MBD2: variants seen among roughly 807,000 people sequenced by gnomAD.
MBD2 encodes the protein methyl-CpG-binding domain protein 2.
In MBD2, 9 loss-of-function variants were observed where a neutral mutation model predicts 39.3. The observed-to-expected ratio is 0.23, with a 90% CI of 0.14 to 0.40. The LOEUF (loss-of-function observed/expected upper bound fraction) is 0.40. Among genes scored for constraint, MBD2 ranks in the 10% least tolerant of loss-of-function variants. The pLI is 1.00. For synonymous variants in MBD2, 233 were observed against 211.1 expected (o/e 1.10, Z -0.90); for missense variants, 458 against 532.6 (o/e 0.86, Z 1.38).
intron 1 of MBD2, among the ~76,000 whole-genome samples, chr18:54,209,293 T>C: frequency 1.1e-5 from 1 of 93,756 alleles, no homozygotes; most frequent in African/African-American, 4.3e-5. Flanking sequence ...TGAGACTCCA[T>C]CTCCAAAAAA....
intron 2 of MBD2, 97 bp downstream of exon 2, chr18:54,204,901 T>C: frequency 8.0e-7 from 1 of 1,250,976 alleles, no homozygotes. Context: ...CACGGGACAT[T>C]TGGACAACCA....
chr18:54,163,349 T>C (rs1205765459), intron 5 of MBD2, among the ~76,000 whole-genome samples: 3 of 152,158 alleles, frequency 2.0e-5, no homozygotes, highest in Non-Finnish European at 4.4e-5. Context: ...GCTGATTTTG[T>C]CTAGGAATAA....
intron 1 of MBD2, among the ~76,000 whole-genome samples, chr18:54,220,046 C>G (rs989575049): frequency 6.6e-6 from 1 of 152,166 alleles, no homozygotes; most frequent in South Asian, 2.1e-4. Flanking sequence ...CGTGATCCAC[C>G]CGCCTCAGCC....
intron 2 of MBD2, among the ~76,000 whole-genome samples, chr18:54,190,843 A>G (rs2086315553): frequency 6.6e-6 from 1 of 152,168 alleles, no homozygotes; most frequent in Admixed American, 6.5e-5. Flanking sequence ...CATATAACTT[A>G]TTTACCTAGT....
At chr18:54,179,323 C>G (rs1349316330) in intron 3 of MBD2, among the ~76,000 whole-genome samples, 2 of 152,156 alleles carry the variant, frequency 1.3e-5, no homozygotes, top group African/African-American at 2.4e-5. Context: ...AGAAACTCTT[C>G]CAGAGACTAT....
chr18:54,224,314 ACGGCCCCGGCCC>A lies in MBD2; in HGVS notation c.234_245del (p.Gly93_Arg96del), dbSNP rs1210718511. The A allele has an allele frequency of 6.3e-6, 6 of 945,816 alleles. No individual in the cohort carries two copies. Among genetic ancestry groups the A allele is most frequent in the East Asian group, 1.1e-4 (1 of 8,754 alleles). The allele number at this position is 945,816 out of a possible 1,614,324, so 58.6% of individuals were successfully genotyped here. ...CCCGGCCCCGTCCCCGTCCCCGGCC[ACGGCCCCGGCCC>A]CGGCCACGGCCACAGACGCCGCCGC... On this transcript the variant is annotated inframe_deletion, in exon 1 of 7. Coordinates refer to ENST00000256429, the MANE Select transcript of MBD2 (RefSeq NM_003927.5).
At chr18:54,204,819 C>G (rs928730179) in intron 2 of MBD2, among the ~76,000 whole-genome samples, 179 bp downstream of exon 2, 3 of 152,148 alleles carry the variant, frequency 2.0e-5, no homozygotes, top group Non-Finnish European at 4.4e-5. Flanking sequence ...TACTGAAATG[C>G]TGTTTTCTAC....
chr18:54,164,779 TA>T, intron 4 of MBD2, 79 bp from the exon 5 acceptor site: 1 of 1,119,194 alleles, frequency 8.9e-7, no homozygotes, highest in East Asian at 2.4e-5. Flanking sequence ...AAACAACTGA[TA>T]TTTTTATATT....
intron 2 of MBD2, among the ~76,000 whole-genome samples, chr18:54,189,663 G>A (rs1014921641): frequency 2.6e-5 from 4 of 151,836 alleles, no homozygotes; most frequent in African/African-American, 4.8e-5. Flanking sequence ...TTGCTTGTTT[G>A]TTTAGGGGCA....
intron 1 of MBD2, among the ~76,000 whole-genome samples, chr18:54,213,454 G>A (rs2086527842): frequency 6.6e-6 from 1 of 152,258 alleles, no homozygotes; most frequent in East Asian, 1.9e-4. Context: ...CCGGTCCCTG[G>A]TGCCGAAAAA....
At chr18:54,205,849 T>G (rs1039062310) in intron 1 of MBD2, among the ~76,000 whole-genome samples, 2 of 150,004 alleles carry the variant, frequency 1.3e-5, no homozygotes, top group African/African-American at 4.9e-5. Context: ...TTTGAAATGC[T>G]TTTTTTTTCC....
chr18:54,177,490 T>C (rs1050484056), intron 3 of MBD2, among the ~76,000 whole-genome samples: 3 of 152,186 alleles, frequency 2.0e-5, no homozygotes, highest in African/African-American at 7.2e-5. Flanking sequence ...AATTCCTTTT[T>C]TTTTTTTCGA....
chr18:54,188,910 T>C lies in MBD2; in HGVS notation c.804A>G (p.Lys268=). Residue 268 remains lysine (K), a synonymous_variant, in exon 3 of 7, where the codon AAA becomes AAG. Transcript: ENST00000256429. ...KVTNHPSNKV[K]SDPQRMNEQP... ...GTTCATTCATTCGTTGTGGGTCTGATTTCACTTTATTACTAGGATGATTTG... is the reference window on the plus strand; with the variant it reads ...GTTCATTCATTCGTTGTGGGTCTGACTTCACTTTATTACTAGGATGATTTG... 1.7e-5 allele frequency: 27 copies of C among 1,609,724 alleles called. No individual in the cohort carries two copies. The highest frequency in any genetic ancestry group is 2.2e-5 in the Non-Finnish European group (26 of 1,177,178).
At chr18:54,202,051 A>G (rs2086412138) in intron 2 of MBD2, among the ~76,000 whole-genome samples, 1 of 152,028 alleles carries the variant, frequency 6.6e-6, no homozygotes, top group Admixed American at 6.6e-5. Context: ...AAGAGTTTAA[A>G]AACAAAACAT....
At chr18:54,181,535 T>C (rs1320840976) in intron 3 of MBD2, among the ~76,000 whole-genome samples, 2 of 152,144 alleles carry the variant, frequency 1.3e-5, no homozygotes, top group East Asian at 3.9e-4. Context: ...ATTCTTGCTC[T>C]GTCGCCCAGG....
At chr18:54,203,244 G>A in intron 2 of MBD2, 1 of 1,039,102 alleles carries the variant, frequency 9.6e-7, no homozygotes, top group Non-Finnish European at 1.4e-6. Context: ...TAATCTAAAA[G>A]TACTCTTCAT....
chr18:54,159,910 A>G lies in MBD2; in HGVS notation c.1110-7T>C. The stretch of plus-strand genomic sequence containing the variant: ...TACTCGCTCTTCCTGTTTCCTTTTT[A>G]AAAACAGAATAAAAAGGCACTGAGA... On this transcript the variant is annotated splice_polypyrimidine_tract_variant and splice_region_variant and intron_variant, in intron 5 of 6. Transcript: ENST00000256429. 1 of 1,610,730 alleles carries G rather than the reference A, an allele frequency of 6.2e-7. No homozygotes were observed. The highest frequency in any genetic ancestry group is 1.7e-5 in the Admixed American group (1 of 59,974).
In MBD2 at chr18:54,206,760, C is replaced by T. The variant is rs138161188; in HGVS notation, c.543-1603G>A. ...GGCAGATGAAAATAACAACCAGTAA[C>T]AACAAGAACAATACAAGAAAAAACC... is the stretch of plus-strand genomic sequence containing the variant. On this transcript the variant is annotated intron_variant, in intron 1 of 6. Coordinates refer to ENST00000256429, the MANE Select transcript of MBD2 (RefSeq NM_003927.5). Among the ~76,000 whole-genome samples the T allele has an allele frequency of 2.6e-3, 369 of 142,362 alleles. 1 individual carries two copies. The highest frequency in any genetic ancestry group is 8.5e-3 in the African/African-American group (348 of 40,882). The allele number at this position is 142,362 out of a possible 152,430, so 93.4% of individuals were successfully genotyped here.
chr18:54,178,840 A>G (rs539003821), intron 3 of MBD2, among the ~76,000 whole-genome samples: 1 of 152,348 alleles, frequency 6.6e-6, no homozygotes, highest in East Asian at 1.9e-4. Context: ...TACTGTAAAC[A>G]TTAAAAATAT....
Sources: gnomAD v4.1 joint callset for allele counts (sites outside exome capture counted in the v4.1 genomes callset) on GRCh38, gnomAD v4.1.1 for gene constraint, MANE v1.5 for transcripts, NCBI Gene and HGNC (gene_info 2026-07-23, HGNC 2026-07-21) for gene names.